The following HHLA2 variants were observed in gnomAD, a reference collection of about 807,000 sequenced individuals.
HHLA2 encodes HHLA2 member of B7 family, also known as HERV-H LTR-associating protein 2.
HHLA2 carries 48 observed loss-of-function variants against 45.9 expected under a neutral mutation model. That is an observed-to-expected ratio of 1.05 (90% confidence interval 0.83 to 1.33). The LOEUF is 1.33. Ranked by LOEUF, HHLA2 falls within the 40% of genes most tolerant of loss-of-function variation. The probability of loss-of-function intolerance (pLI) is 0.00; values close to 1 mark genes in which losing one functional copy is unlikely to be tolerated. For synonymous variants in HHLA2, 161 were observed against 173.9 expected (o/e 0.93, Z 0.59); for missense variants, 462 against 494.3 (o/e 0.93, Z 0.62).
chr3:108,306,635 C>T (rs746968019), intron 1 of HHLA2, among the ~76,000 whole-genome samples: 2 of 152,156 alleles, frequency 1.3e-5, no homozygotes, highest in African/African-American at 2.4e-5. Flanking sequence ...TTTAAATCCA[C>T]TGGCAGAATG....
At chr3:108,343,641 G>A (rs1037344178) in intron 3 of HHLA2, among the ~76,000 whole-genome samples, 11 of 152,214 alleles carry the variant, frequency 7.2e-5, no homozygotes, top group Middle Eastern at 3.4e-3. Context: ...CAGGTCACCC[G>A]CCCCAGCACC....
At chr3:108,375,657 A>G (rs2082263406) in intron 8 of HHLA2, 93 bp from the exon 8 acceptor site, 2 of 1,456,850 alleles carry the variant, frequency 1.4e-6, no homozygotes, top group African/African-American at 1.4e-5. Context: ...GTGACTTTCA[A>G]TTGAAGGACA....
At chr3:108,321,004 A>G (rs963036565) in intron 2 of HHLA2, among the ~76,000 whole-genome samples, 1 of 151,596 alleles carries the variant, frequency 6.6e-6, no homozygotes, top group African/African-American at 2.4e-5. Context: ...AGGACCTGGA[A>G]GAAAGAATAA....
chr3:108,360,607 C>G (rs1371201263), intron 7 of HHLA2, among the ~76,000 whole-genome samples: 6 of 152,180 alleles, frequency 3.9e-5, no homozygotes. Context: ...GTAAATGATT[C>G]ATGGGGGTAG....
exon 3 of HHLA2, chr3:108,328,279 G>A: frequency 6.7e-7 from 1 of 1,494,696 alleles, no homozygotes; most frequent in Non-Finnish European, 8.9e-7. Context: ...GCATGTAGGA[G>A]AATACTAACC....
intron 6 of HHLA2, among the ~76,000 whole-genome samples, chr3:108,357,256 C>T (rs1448845858): frequency 3.9e-5 from 6 of 152,086 alleles, no homozygotes; most frequent in Non-Finnish European, 7.3e-5. Context: ...CACTACAGAA[C>T]GGGAAGGACA....
At chr3:108,317,899 T>C (rs1037003442) in intron 2 of HHLA2, among the ~76,000 whole-genome samples, 1 of 151,818 alleles carries the variant, frequency 6.6e-6, no homozygotes, top group African/African-American at 2.4e-5. Flanking sequence ...AAAGAAAATA[T>C]TGTCGGGCAT....
intron 3 of HHLA2, among the ~76,000 whole-genome samples, chr3:108,335,645 A>G (rs1430128515): frequency 6.6e-6 from 1 of 152,210 alleles, no homozygotes; most frequent in African/African-American, 2.4e-5. Context: ...GGAACATTCA[A>G]TGGATCCAGA....
At chr3:108,322,579 G>GCTA (rs2081221845) in intron 2 of HHLA2, among the ~76,000 whole-genome samples, 2 of 152,176 alleles carry the variant, frequency 1.3e-5, no homozygotes, top group African/African-American at 2.4e-5. Context: ...TTCAACCTAT[G>GCTA]TGGGGGAGTG....
chr3:108,376,525 C>A (rs761430147), exon 10 of HHLA2: 2 of 1,612,414 alleles, frequency 1.2e-6, no homozygotes, highest in Non-Finnish European at 1.7e-6. Context: ...TGAGCGCTGT[C>A]CCAGTGCACC....
intron 8 of HHLA2, 80 bp downstream of exon 7, chr3:108,362,526 A>T: frequency 7.9e-6 from 7 of 890,210 alleles, no homozygotes; most frequent in Non-Finnish European, 1.2e-5. Context: ...ATGCCCAAAC[A>T]GCTACTGGGC....
At chr3:108,360,872 G>A (rs1017538007) in intron 7 of HHLA2, among the ~76,000 whole-genome samples, 1 of 152,190 alleles carries the variant, frequency 6.6e-6, no homozygotes, top group African/African-American at 2.4e-5. Flanking sequence ...TAGGTGGAGA[G>A]ATTAATATTT....
chr3:108,319,709 G>A lies in HHLA2; in HGVS notation c.-104-8561G>A, dbSNP rs139057945. Among the ~76,000 whole-genome samples, 508 of 152,272 alleles carry A rather than the reference G, an allele frequency of 3.3e-3. 5 individuals carry two copies. The highest frequency in any genetic ancestry group is 3.8e-3 in the Non-Finnish European group (259 of 68,028). On this transcript the variant is annotated intron_variant, in intron 2 of 10. Coordinates refer to ENST00000619531, the Ensembl canonical transcript of HHLA2. Reference sequence around the variant, plus strand: ...CGGTTTCTATCATACTCCTATTAATGCAAGAGCAGATGTGCTTGTACATTT... The same window carrying A: ...CGGTTTCTATCATACTCCTATTAATACAAGAGCAGATGTGCTTGTACATTT...
intron 1 of HHLA2, among the ~76,000 whole-genome samples, chr3:108,308,638 G>A (rs907640497): frequency 2.4e-4 from 36 of 152,144 alleles, no homozygotes; most frequent in Non-Finnish European, 2.9e-5. Context: ...AACAAGGTAT[G>A]AGCATTCCCT....
exon 3 of HHLA2, chr3:108,328,285 T>C (rs1396745932): frequency 6.6e-7 from 1 of 1,510,894 alleles, no homozygotes; most frequent in African/African-American, 1.4e-5. Context: ...AGGAGAATAC[T>C]AACCCTGCAC....
intron 10 of HHLA2, 144 bp from the exon 10 acceptor site, chr3:108,377,114 T>C (rs566262886): frequency 1.1e-5 from 7 of 624,376 alleles, no homozygotes; most frequent in Non-Finnish European, 2.0e-5. Context: ...AATGGTCTCA[T>C]GGATCTTTAA....
At chr3:108,369,696 C>A (rs1349054668) in intron 8 of HHLA2, among the ~76,000 whole-genome samples, 1 of 152,210 alleles carries the variant, frequency 6.6e-6, no homozygotes, top group African/African-American at 2.4e-5. Flanking sequence ...GTCCTACACC[C>A]ACGGAGTCTC....
At chr3:108,351,143 T>C (rs2081769186) in intron 3 of HHLA2, among the ~76,000 whole-genome samples, 1 of 152,248 alleles carries the variant, frequency 6.6e-6, no homozygotes. Flanking sequence ...TTTTTGTGTA[T>C]ACACGTTTTG....
chr3:108,353,657 A>G (rs1484133600), exon 5 of HHLA2: 1 of 1,613,616 alleles, frequency 6.2e-7, no homozygotes, highest in East Asian at 2.2e-5. Flanking sequence ...CTATAATGAG[A>G]TTCAAAATGG....
Sources: gnomAD v4.1 joint callset for allele counts (sites outside exome capture counted in the v4.1 genomes callset) on GRCh38, gnomAD v4.1.1 for gene constraint, MANE v1.5 for transcripts, NCBI Gene and HGNC (gene_info 2026-07-23, HGNC 2026-07-21) for gene names.